XPR1: variants seen among roughly 807,000 people sequenced by gnomAD.
XPR1 encodes the protein xenotropic and polytropic retrovirus receptor 1, also known as solute carrier family 53 member 1.
In XPR1, 28 loss-of-function variants were observed where a neutral mutation model predicts 87.5. That is an observed-to-expected ratio of 0.32 (90% CI 0.24 to 0.44). The LOEUF (loss-of-function observed/expected upper bound fraction) is 0.44, where lower values mean the gene tolerates loss of function less well. Ranked by LOEUF, XPR1 falls within the 20% of genes least tolerant of loss-of-function variation. The pLI, the probability that XPR1 is intolerant of heterozygous loss-of-function variation, is 1.00. For synonymous variants in XPR1, 300 were observed against 306.1 expected, an observed-to-expected ratio of 0.98 and a Z score of 0.21; for missense variants, 559 against 862.3, an observed-to-expected ratio of 0.65 and a Z score of 4.41.
intron 2 of XPR1, among the ~76,000 whole-genome samples, chr1:180,759,589 C>T (rs1280236554): frequency 2.6e-5 from 4 of 152,166 alleles, no homozygotes; most frequent in Non-Finnish European, 5.9e-5. Flanking sequence ...TCTGAATAGA[C>T]CAATAACAGG....
chr1:180,876,305 G>A (rs1320512979), intron 13 of XPR1, among the ~76,000 whole-genome samples: 2 of 152,180 alleles, frequency 1.3e-5, no homozygotes, highest in Non-Finnish European at 2.9e-5. Context: ...GGTAATACAA[G>A]TTAGGTTCGT....
chr1:180,691,192 A>G (rs752716047), intron 2 of XPR1, among the ~76,000 whole-genome samples: 1 of 152,040 alleles, frequency 6.6e-6, no homozygotes, highest in African/African-American at 2.4e-5. Flanking sequence ...AAGTATTGAG[A>G]GACTATGTAT....
At chr1:180,755,451 T>C (rs1204490789) in intron 2 of XPR1, among the ~76,000 whole-genome samples, 2 of 152,210 alleles carry the variant, frequency 1.3e-5, no homozygotes, top group Non-Finnish European at 2.9e-5. Context: ...ATACACAAAA[T>C]GCATACATGT....
chr1:180,694,478 A>G (rs1467109542), intron 2 of XPR1, among the ~76,000 whole-genome samples: 2 of 152,314 alleles, frequency 1.3e-5, no homozygotes, highest in Non-Finnish European at 2.9e-5. Flanking sequence ...AAAATATAGT[A>G]AAGGACCATT....
In XPR1 at chr1:180,632,136, G is replaced by A; in HGVS notation, c.-66G>A. ...CCGGGGCCCATGTGGGGAGGAGTCGGAGTCGCTGTTGCCGCCGCCGCCTGT... is the reference window on the plus strand; with the variant it reads ...CCGGGGCCCATGTGGGGAGGAGTCGAAGTCGCTGTTGCCGCCGCCGCCTGT... On this transcript the variant is annotated 5_prime_UTR_variant, in exon 1 of 15. Transcript: ENST00000367590. 2 of 1,551,864 alleles carry A rather than the reference G, an allele frequency of 1.3e-6. No homozygotes were observed. Among genetic ancestry groups the A allele is most frequent in the South Asian group, 1.2e-5 (1 of 84,958 alleles).
chr1:180,639,532 C>G (rs957308741), intron 1 of XPR1, among the ~76,000 whole-genome samples: 7 of 152,082 alleles, frequency 4.6e-5, no homozygotes, highest in African/African-American at 1.7e-4. Context: ...TCGTAAATAA[C>G]TAGTGAACAA....
intron 11 of XPR1, among the ~76,000 whole-genome samples, chr1:180,842,225 A>G (rs1246540836): frequency 1.3e-5 from 2 of 152,212 alleles, no homozygotes; most frequent in Admixed American, 6.5e-5. Context: ...AGTCTTTTCA[A>G]AGAACTAGCC....
chr1:180,859,384 C>A (rs12093826), intron 11 of XPR1, among the ~76,000 whole-genome samples: 6,550 of 152,160 alleles, frequency 0.043, 504 homozygotes, highest in African/African-American at 0.15. Context: ...CAGGCATATA[C>A]TGGATAGAAG....
rs562907366 is a variant in XPR1, at chr1:180,828,976, C to T, written c.1134+3632C>T. Among the ~76,000 whole-genome samples the T allele has an allele frequency of 8.5e-5, 13 of 152,114 alleles. No individual in the cohort carries two copies. The South Asian group carries it at 2.5e-3, about 29-fold the overall frequency. ...CTTTGAGAGGCGGAGGTGGGAGGAT[C>T]GCTTAAGCCCAGGAGTTCGAGACCA... On this transcript the variant is annotated intron_variant, in intron 9 of 14. Coordinates refer to ENST00000367590, the MANE Select transcript of XPR1 (RefSeq NM_004736.4).
intron 2 of XPR1, among the ~76,000 whole-genome samples, chr1:180,765,814 A>G (rs1053576293): frequency 1.3e-5 from 2 of 152,084 alleles, no homozygotes; most frequent in Admixed American, 1.3e-4. Context: ...ACCCATGAAT[A>G]TAGAGGGCTG....
chr1:180,651,388 G>A (rs1039444443), intron 1 of XPR1, among the ~76,000 whole-genome samples: 2 of 152,100 alleles, frequency 1.3e-5, no homozygotes, highest in Non-Finnish European at 2.9e-5. Context: ...CACGCACCTC[G>A]CCCGGAATCC....
At chr1:180,827,069 G>A (rs777645205) in intron 9 of XPR1, among the ~76,000 whole-genome samples, 1 of 147,996 alleles carries the variant, frequency 6.8e-6, no homozygotes, top group Non-Finnish European at 1.5e-5. Context: ...CAGGAGAATC[G>A]CTTGAACCCA....
At chr1:180,876,406 T>C (rs1652665480) in intron 13 of XPR1, among the ~76,000 whole-genome samples, 1 of 152,014 alleles carries the variant, frequency 6.6e-6, no homozygotes, top group Non-Finnish European at 1.5e-5. Context: ...GAGGCTGAGG[T>C]GAGTGGATCA....
intron 4 of XPR1, among the ~76,000 whole-genome samples, chr1:180,805,218 G>A (rs1227354955): frequency 6.6e-6 from 1 of 152,124 alleles, no homozygotes; most frequent in East Asian, 1.9e-4. Flanking sequence ...GGAAAAATAT[G>A]TAAACAAATA....
At chr1:180,673,189 G>C (rs1410393448) in intron 1 of XPR1, among the ~76,000 whole-genome samples, 4 of 152,262 alleles carry the variant, frequency 2.6e-5, no homozygotes, top group African/African-American at 4.8e-5. Flanking sequence ...AAGGAGATTA[G>C]AGATGATCTA....
chr1:180,720,811 T>C (rs190025497), intron 2 of XPR1, among the ~76,000 whole-genome samples: 210 of 152,326 alleles, frequency 1.4e-3, no homozygotes, highest in African/African-American at 4.3e-3. Flanking sequence ...AGCCAATAAA[T>C]TAAATTTTGT....
At chr1:180,770,576 G>T (rs189814684) in intron 2 of XPR1, among the ~76,000 whole-genome samples, 1 of 152,070 alleles carries the variant, frequency 6.6e-6, no homozygotes, top group Non-Finnish European at 1.5e-5. Context: ...TGCAGCAGAT[G>T]GTTTTTAAAT....
intron 3 of XPR1, 151 bp downstream of exon 3, chr1:180,788,005 C>T: frequency 1.6e-6 from 1 of 634,874 alleles, no homozygotes; most frequent in Non-Finnish European, 2.8e-6. Flanking sequence ...GGGATAAGAA[C>T]ACGTCTGGTT....
intron 2 of XPR1, among the ~76,000 whole-genome samples, chr1:180,686,936 G>A (rs1571724271): frequency 6.6e-6 from 1 of 151,984 alleles, no homozygotes; most frequent in Non-Finnish European, 1.5e-5. Flanking sequence ...GTCAGGAATT[G>A]GCATTTAGTT....
Sources: gnomAD v4.1 joint callset for allele counts (sites outside exome capture counted in the v4.1 genomes callset) on GRCh38, gnomAD v4.1.1 for gene constraint, MANE v1.5 for transcripts, NCBI Gene and HGNC (gene_info 2026-07-23, HGNC 2026-07-21) for gene names.